Variants in LRRIQ1 observed in about 807,000 individuals in gnomAD.
LRRIQ1 encodes the protein leucine rich repeats and IQ motif containing 1.
A neutral mutation model predicts 211.9 loss-of-function variants in LRRIQ1; 210 were observed. That is an observed-to-expected ratio of 0.99 (90% CI 0.89 to 1.11). The LOEUF is 1.11. Among genes scored for constraint, LRRIQ1 ranks in the 50% most tolerant of loss-of-function variants. LRRIQ1 has a pLI of 0.00. For synonymous variants in LRRIQ1, 699 were observed against 650.1 expected (o/e 1.08, Z -1.14); for missense variants, 2,136 against 1,939.5 (o/e 1.10, Z -1.90).
chr12:85,245,018 G>C lies in LRRIQ1; in HGVS notation c.*77G>C. The C allele has an allele frequency of 6.6e-7, 1 of 1,526,442 alleles. No homozygotes were observed. The highest frequency in any genetic ancestry group is 8.8e-7 in the Non-Finnish European group (1 of 1,136,226). The allele number at this position is 1,526,442 out of a possible 1,614,324, so 94.6% of individuals were successfully genotyped here. A position where few individuals can be genotyped will look rare whatever the true frequency, so the allele number is the denominator to read the frequency against. ...ATAGGGGGTAGGATGCCAGCAACCT[G>C]AACTGCCCAAAAATGTGTATTTAAA... On this transcript the variant is annotated 3_prime_UTR_variant, in exon 27 of 27. Transcript: ENST00000393217.
At chr12:85,177,133 A>G (rs1891746949) in intron 24 of LRRIQ1, among the ~76,000 whole-genome samples, 1 of 152,142 alleles carries the variant, frequency 6.6e-6, no homozygotes, top group Non-Finnish European at 1.5e-5. Context: ...AATGTATAAA[A>G]TCTACAAGAA....
chr12:85,196,780 G>A (rs1892940192), intron 24 of LRRIQ1, among the ~76,000 whole-genome samples: 1 of 151,540 alleles, frequency 6.6e-6, no homozygotes, highest in Non-Finnish European at 1.5e-5. Flanking sequence ...AGGACTTCAT[G>A]TCCAAAACAC....
chr12:85,099,580 C>T (rs1254759073), intron 13 of LRRIQ1, among the ~76,000 whole-genome samples: 1 of 151,818 alleles, frequency 6.6e-6, no homozygotes, highest in Admixed American at 6.6e-5. Context: ...TAAACCAAAG[C>T]AGGAGCACAA....
At chr12:85,078,157 T>TTA (rs1883872609) in intron 11 of LRRIQ1, among the ~76,000 whole-genome samples, 1 of 152,188 alleles carries the variant, frequency 6.6e-6, no homozygotes, top group Non-Finnish European at 1.5e-5. Context: ...TCTCCTTTAA[T>TTA]GTTTGACTCA....
Position 85,065,314 on chromosome 12 carries a change from CAG to C in LRRIQ1, c.2447_2448del (p.Glu816ValfsTer22), listed in dbSNP as rs764543494. 4.3e-6 allele frequency: 7 copies of C among 1,610,660 alleles called. No homozygotes were observed. In the African/African-American group the frequency reaches 8.0e-5, roughly 18 times the overall value. On this transcript the variant is annotated frameshift_variant, in exon 9 of 27. Transcript: ENST00000393217. LOFTEE classifies it high-confidence loss of function. ...CCAGGCTGTGTTCTCTCCACACTGGCAGAGTGTACAAATCTTCAGTTTCTATC... is the reference window on the plus strand; with the variant it reads ...CCAGGCTGTGTTCTCTCCACACTGGCAGTGTACAAATCTTCAGTTTCTATC...
At chr12:85,188,547 T>A (rs1892339217) in intron 24 of LRRIQ1, among the ~76,000 whole-genome samples, 1 of 152,214 alleles carries the variant, frequency 6.6e-6, no homozygotes, top group East Asian at 1.9e-4. Context: ...CCTCTAAAAT[T>A]TGCAGAGTAC....
intron 24 of LRRIQ1, among the ~76,000 whole-genome samples, chr12:85,200,490 A>G (rs1182740736): frequency 6.6e-6 from 1 of 152,114 alleles, no homozygotes; most frequent in African/African-American, 2.4e-5. Flanking sequence ...GACTTCCAGT[A>G]CTATGTTAAA....
chr12:85,252,851 G>A (rs971416199), intron 1 of LRRIQ1, among the ~76,000 whole-genome samples: 5 of 151,706 alleles, frequency 3.3e-5, no homozygotes, highest in Non-Finnish European at 4.4e-5. Context: ...CTCCTATTGA[G>A]CACTATCATA....
At position 85,232,695 on chromosome 12, in the gene LRRIQ1, G is replaced by C; in HGVS notation, c.4956-1G>C. 1 of 1,610,314 alleles carries C rather than the reference G, an allele frequency of 6.2e-7. No homozygotes were observed. Among genetic ancestry groups the C allele is most frequent in the Non-Finnish European group, 8.5e-7 (1 of 1,177,368 alleles). The stretch of plus-strand genomic sequence containing the variant: ...TACTTTCTGTTTTTGTCACTATGCA[G>C]CAATCACTTTTTGCCTGAGTTAGAT... On this transcript the variant is annotated splice_acceptor_variant, in intron 25 of 26. Transcript: ENST00000393217. LOFTEE classifies it high-confidence loss of function.
intron 1 of LRRIQ1, among the ~76,000 whole-genome samples, chr12:85,260,707 C>T (rs1455751422): frequency 2.0e-5 from 3 of 152,054 alleles, no homozygotes; most frequent in Non-Finnish European, 4.4e-5. Flanking sequence ...TATTTACAAA[C>T]AATTTTTACT....
In LRRIQ1 at chr12:85,112,947, A is replaced by G. The variant is rs528547370; in HGVS notation, c.3377+6332A>G. Among the ~76,000 whole-genome samples the G allele has an allele frequency of 6.5e-3, 983 of 152,220 alleles. 6 individuals carry two copies. The highest frequency in any genetic ancestry group is 7.9e-3 in the Non-Finnish European group (537 of 67,992). Reference sequence around the variant, plus strand: ...TTCCCTCTTGTCTTTTTGCTTTAGCAAGTTGGCATTCTGTTTACTCAGAGA... The same window carrying G: ...TTCCCTCTTGTCTTTTTGCTTTAGCGAGTTGGCATTCTGTTTACTCAGAGA... On this transcript the variant is annotated intron_variant, in intron 15 of 26. Transcript: ENST00000393217.
At position 85,199,803 on chromosome 12, in the gene LRRIQ1, T is replaced by A. The variant is rs138891409; in HGVS notation, c.4823-29714T>A. 5.2e-4 allele frequency among the ~76,000 whole-genome samples: 79 copies of A among 152,130 alleles called. No individual in the cohort carries two copies. The East Asian group carries it at 0.011, about 21-fold the overall frequency. The stretch of plus-strand genomic sequence containing the variant: ...AAACTGCACCCATGATTTGATTACC[T>A]CCACCTGGTACCGCCCTTGAAACAT... On this transcript the variant is annotated intron_variant, in intron 24 of 26. Coordinates refer to ENST00000393217, the MANE Select transcript of LRRIQ1 (RefSeq NM_001079910.2).
intron 1 of LRRIQ1, among the ~76,000 whole-genome samples, chr12:85,261,793 A>G (rs1438584813): frequency 6.8e-6 from 1 of 148,030 alleles, no homozygotes; most frequent in Non-Finnish European, 1.5e-5. Context: ...TTATTTATTT[A>G]TTTATTTATT....
chr12:85,196,381 C>G (rs922871648), intron 24 of LRRIQ1, among the ~76,000 whole-genome samples: 13 of 152,022 alleles, frequency 8.6e-5, no homozygotes, highest in African/African-American at 3.1e-4. Context: ...CAATCCTAAG[C>G]CAAAAGAACA....
At position 85,106,590 on chromosome 12, in the gene LRRIQ1, C is replaced by G; in HGVS notation, c.3352C>G (p.Pro1118Ala). Residue 1118 changes from proline (P) to alanine (A), a missense_variant, in exon 15 of 27, where the codon CCA (proline) becomes GCA (alanine). Transcript: ENST00000393217. ...SLHELSLTGN[P>A]LLQETNWRDS... is the part of the protein sequence containing the mutation. ...CCATGAATTGTCTCTTACTGGAAAC[C>G]CACTTCTTCAAGAAACAAACTGGAG... is the stretch of plus-strand genomic sequence containing the variant. 6.2e-7 allele frequency: 1 copy of G among 1,612,056 alleles called. No individual in the cohort carries two copies. The highest frequency in any genetic ancestry group is 1.1e-5 in the South Asian group (1 of 90,988).
At chr12:85,219,275 A>G (rs961745275) in intron 24 of LRRIQ1, among the ~76,000 whole-genome samples, 2 of 152,112 alleles carry the variant, frequency 1.3e-5, no homozygotes, top group African/African-American at 4.8e-5. Context: ...TATTTACTTT[A>G]ATGTAGAGTT....
intron 15 of LRRIQ1, among the ~76,000 whole-genome samples, chr12:85,119,357 C>T (rs746523582): frequency 6.6e-6 from 1 of 152,122 alleles, no homozygotes; most frequent in Non-Finnish European, 1.5e-5. Context: ...CATTTTAGCA[C>T]TGAATAATAT....
Position 85,056,288 on chromosome 12 carries a change from C to A in LRRIQ1, c.1495C>A (p.Gln499Lys). Residue 499 changes from glutamine (Q) to lysine (K), a missense_variant, in exon 8 of 27, where the codon CAA (glutamine) becomes AAA (lysine). By Grantham distance (53) the Gln-to-Lys change is moderately conservative. Coordinates refer to ENST00000393217, the MANE Select transcript of LRRIQ1 (RefSeq NM_001079910.2). ...ACGATGTTCAGAAGAATTGGTCAAG[C>A]AAGAAAGAAAATATGAAAATACAGA... Reference protein sequence around the residue: ...KKRCSEELVKQERKYENTDNK... With the variant: ...KKRCSEELVKKERKYENTDNK... 6.3e-7 allele frequency: 1 copy of A among 1,583,066 alleles called. No homozygotes were observed. The highest frequency in any genetic ancestry group is 8.5e-7 in the Non-Finnish European group (1 of 1,171,606).
intron 19 of LRRIQ1, among the ~76,000 whole-genome samples, chr12:85,146,093 C>T (rs915981851): frequency 2.6e-5 from 4 of 151,612 alleles, no homozygotes; most frequent in African/African-American, 9.7e-5. Context: ...TTAAATTGAT[C>T]TTCCCAATAG....
Sources: gnomAD v4.1 joint callset for allele counts (sites outside exome capture counted in the v4.1 genomes callset) on GRCh38, gnomAD v4.1.1 for gene constraint, MANE v1.5 for transcripts, NCBI Gene and HGNC (gene_info 2026-07-23, HGNC 2026-07-21) for gene names.